The following IL27RA variants were observed in gnomAD, a reference collection of about 807,000 sequenced individuals.
IL27RA encodes the protein interleukin-27 receptor subunit alpha.
Under a neutral mutation model 80.8 loss-of-function variants are expected in IL27RA, and 61 were observed. The ratio of observed to expected loss-of-function variants is 0.76; its 90% CI spans 0.61 to 0.93. The LOEUF is 0.93. Among genes scored for constraint, IL27RA ranks in the 40% least tolerant of loss-of-function variants. The probability of loss-of-function intolerance (pLI) is 0.00; values close to 1 mark genes in which losing one functional copy is unlikely to be tolerated. For synonymous variants in IL27RA, 316 were observed against 332.5 expected, an observed-to-expected ratio of 0.95 and a Z score of 0.54; for missense variants, 735 against 808.1, an observed-to-expected ratio of 0.91 and a Z score of 1.10.
At position 14,052,362 on chromosome 19, in the gene IL27RA, T is replaced by G. The variant is rs1245794388; in HGVS notation, c.*72T>G. The G allele has an allele frequency of 1.6e-6, 2 of 1,231,094 alleles. No individual in the cohort carries two copies. Among genetic ancestry groups the G allele is most frequent in the African/African-American group, 3.1e-5 (2 of 65,210 alleles). 76.3% of individuals were successfully genotyped at this position (1,231,094 alleles called of 1,614,324 possible). A position where few individuals can be genotyped will look rare whatever the true frequency, so the allele number is the denominator to read the frequency against. On this transcript the variant is annotated 3_prime_UTR_variant, in exon 14 of 14. Coordinates refer to ENST00000263379, the MANE Select transcript of IL27RA (RefSeq NM_004843.4). ...ATGCAGGTTGCACCCCAGTCCTGGATTAGCCCTCTTGATGGATGAAGACAC... is the reference window on the plus strand; with the variant it reads ...ATGCAGGTTGCACCCCAGTCCTGGAGTAGCCCTCTTGATGGATGAAGACAC...
At chr19:14,039,445 G>A in intron 2 of IL27RA, 63 bp from the exon 3 acceptor site, 35 of 1,547,678 alleles carry the variant, frequency 2.3e-5, no homozygotes, top group Non-Finnish European at 3.0e-5. Flanking sequence ...TGGCACAAGG[G>A]TGGTTATCAG....
chr19:14,052,609 T>A lies in IL27RA; in HGVS notation c.*319T>A, dbSNP rs1289312787. 3.9e-6 allele frequency: 1 copy of A among 255,006 alleles called. No homozygotes were observed. Among genetic ancestry groups the A allele is most frequent in the Non-Finnish European group, 7.4e-6 (1 of 134,850 alleles). The allele number at this position is 255,006 out of a possible 1,614,324, so 15.8% of individuals were successfully genotyped here. On this transcript the variant is annotated 3_prime_UTR_variant, in exon 14 of 14. Coordinates refer to ENST00000263379, the MANE Select transcript of IL27RA (RefSeq NM_004843.4). ...ACCCCAGCACAGTGGCTCACGCCTG[T>A]AATCCCAGCACTTTGGCAGGCCAAG... is the stretch of plus-strand genomic sequence containing the variant.
intron 2 of IL27RA, 36 bp from the exon 3 acceptor site, chr19:14,039,472 C>T (rs543667292): frequency 8.1e-5 from 128 of 1,585,132 alleles, no homozygotes; most frequent in Non-Finnish European, 1.0e-4. Context: ...TGGCTCTAGC[C>T]GAGTGTGCAT....
rs1376590064 is a variant in IL27RA, at chr19:14,039,530, G to A, written c.241G>A (p.Val81Met). 4.3e-6 allele frequency: 7 copies of A among 1,613,732 alleles called. No individual in the cohort carries two copies. The highest frequency in any genetic ancestry group is 1.1e-5 in the South Asian group (1 of 91,028). The stretch of plus-strand genomic sequence containing the variant: ...CAGCCGTTCCAACAAAACCCAGACT[G>A]TGGCAGTGGCAGCCGGACGGAGCTG... ...QKYRSNKTQT[V>M]AVAAGRSWVA... Residue 81 changes from valine to methionine, a missense_variant, in exon 3 of 14, where the codon GTG becomes ATG. Physicochemically the swap from Val to Met is conservative, Grantham distance 21. Coordinates refer to ENST00000263379, the MANE Select transcript of IL27RA (RefSeq NM_004843.4).
At chr19:14,038,922 AAGGG>A (rs373176189) in intron 2 of IL27RA, among the ~76,000 whole-genome samples, 1 of 150,188 alleles carries the variant, frequency 6.7e-6, no homozygotes, top group Non-Finnish European at 1.5e-5. Context: ...GCAAGGAAGG[AAGGG>A]AGGGAGGGAG....
intron 6 of IL27RA, 45 bp from the exon 7 acceptor site, chr19:14,046,109 G>T: frequency 6.4e-7 from 1 of 1,562,626 alleles, no homozygotes. Context: ...ATATATGTGC[G>T]TGATTAATGG....
intron 10 of IL27RA, among the ~76,000 whole-genome samples, chr19:14,049,656 A>C (rs1177076244): frequency 6.8e-6 from 1 of 146,968 alleles, no homozygotes. Flanking sequence ...ATCTCAGCTC[A>C]CTGCAACCTC....
chr19:14,032,129 A>G (rs545411274), intron 1 of IL27RA, among the ~76,000 whole-genome samples, 157 bp downstream of exon 1: 1 of 152,172 alleles, frequency 6.6e-6, no homozygotes, highest in East Asian at 1.9e-4. Context: ...ACACTGGGGA[A>G]TGGGCGGCAG....
intron 1 of IL27RA, among the ~76,000 whole-genome samples, 192 bp from the exon 2 acceptor site, chr19:14,032,194 A>C (rs988949004): frequency 5.3e-5 from 8 of 152,142 alleles, no homozygotes; most frequent in Non-Finnish European, 1.0e-4. Flanking sequence ...GGTGGTTAAC[A>C]GGATGTGGCG....
In IL27RA at chr19:14,050,849, CCCT is replaced by C; in HGVS notation, c.1498_1500del (p.Pro500del). 6.2e-7 allele frequency: 1 copy of C among 1,612,252 alleles called. No individual in the cohort carries two copies. Among genetic ancestry groups the C allele is most frequent in the Non-Finnish European group, 8.5e-7 (1 of 1,178,612 alleles). On this transcript the variant is annotated inframe_deletion, in exon 11 of 14. Transcript: ENST00000263379. ...CAGCATCTACCATCGCTGGACAGGG[CCCT>C]CCTGGTCCCATCCTCCGGCTTCATC...
chr19:14,035,746 T>G (rs895265004), intron 2 of IL27RA, among the ~76,000 whole-genome samples: 2 of 152,004 alleles, frequency 1.3e-5, no homozygotes, highest in African/African-American at 4.8e-5. Context: ...AAGCCACATC[T>G]TTTCTATTTT....
At chr19:14,048,289 TA>T (rs769703225) in intron 8 of IL27RA, among the ~76,000 whole-genome samples, 20,650 of 149,832 alleles carry the variant, frequency 0.14, 1,554 homozygotes, top group East Asian at 0.28. Flanking sequence ...AATAAATAAA[TA>T]AATTAATTAA....
chr19:14,042,854 T>A (rs1427227789), intron 6 of IL27RA, 65 bp downstream of exon 6: 3 of 1,397,586 alleles, frequency 2.1e-6, no homozygotes, highest in Non-Finnish European at 3.0e-6. Flanking sequence ...AACAATGACA[T>A]AAGGCCGGAT....
rs138609608 is a variant in IL27RA, at chr19:14,038,806, C to T, written c.219-702C>T. Reference sequence around the variant, plus strand: ...GGCTGAGGCAGGAGAATCGCTTGAACCTGGGAGGCAGAGGTTGCGGTGAGC... The same window carrying T: ...GGCTGAGGCAGGAGAATCGCTTGAATCTGGGAGGCAGAGGTTGCGGTGAGC... On this transcript the variant is annotated intron_variant, in intron 2 of 13. Transcript: ENST00000263379. Among the ~76,000 whole-genome samples the T allele has an allele frequency of 1.0e-3, 152 of 151,366 alleles. 2 individuals carry two copies. The highest frequency in any genetic ancestry group is 1.7e-3 in the Non-Finnish European group (118 of 67,864).
intron 4 of IL27RA, among the ~76,000 whole-genome samples, chr19:14,040,720 G>A (rs1460347968): frequency 1.3e-5 from 2 of 151,248 alleles, no homozygotes; most frequent in Non-Finnish European, 2.9e-5. Flanking sequence ...TAATTGAGAG[G>A]CTAAGGCAGG....
intron 10 of IL27RA, among the ~76,000 whole-genome samples, chr19:14,049,835 C>T (rs1976133153): frequency 1.3e-5 from 2 of 151,928 alleles, no homozygotes; most frequent in Admixed American, 1.3e-4. Flanking sequence ...ACCTCAGCCT[C>T]CCAAAGTGCG....
chr19:14,048,749 A>C (rs998243017), intron 8 of IL27RA, among the ~76,000 whole-genome samples: 2 of 152,100 alleles, frequency 1.3e-5, no homozygotes, highest in African/African-American at 4.8e-5. Context: ...GCTGGCCCCT[A>C]GAGGTCCCCC....
At chr19:14,036,840 A>ATT (rs149297021) in intron 2 of IL27RA, among the ~76,000 whole-genome samples, 20 of 129,588 alleles carry the variant, frequency 1.5e-4, no homozygotes, top group South Asian at 2.4e-4. Flanking sequence ...TGTATACCAC[A>ATT]TTTTTTTTTT....
chr19:14,050,890 G>A lies in IL27RA; in HGVS notation c.1528+7G>A, dbSNP rs770272211. On this transcript the variant is annotated splice_region_variant and intron_variant, in intron 11 of 13. Transcript: ENST00000263379. ...CTCCGGCTTCATCTACCAGGTAGGGGGGTTGGGATGGGATTGCCACAGGGA... is the reference window on the plus strand; with the variant it reads ...CTCCGGCTTCATCTACCAGGTAGGGAGGTTGGGATGGGATTGCCACAGGGA... The A allele has an allele frequency of 6.2e-7, 1 of 1,602,398 alleles. No homozygotes were observed. Among genetic ancestry groups the A allele is most frequent in the Non-Finnish European group, 8.5e-7 (1 of 1,171,576 alleles).
Sources: allele counts gnomAD v4.1 joint callset (sites outside exome capture counted in the v4.1 genomes callset), GRCh38; gene constraint gnomAD v4.1.1; transcripts MANE v1.5; gene names NCBI Gene and HGNC (gene_info 2026-07-23, HGNC 2026-07-21).